Variants in SLC41A2 observed in about 807,000 individuals in gnomAD.
SLC41A2 encodes the protein SLC41A1-like 1.
SLC41A2 carries 32 observed loss-of-function variants against 58.3 expected under a neutral mutation model. The observed-to-expected ratio is 0.55, with a 90% CI of 0.41 to 0.74. SLC41A2 has a LOEUF of 0.74. Among genes scored for constraint, SLC41A2 ranks in the 30% least tolerant of loss-of-function variants. SLC41A2 has a pLI of 0.00. For synonymous variants in SLC41A2, 190 were observed against 235.0 expected (o/e 0.81, Z 1.75); for missense variants, 514 against 680.6 (o/e 0.76, Z 2.72).
chr12:104,853,911 A>ATTATTATTATTATTTT lies in SLC41A2; in HGVS notation c.1255+7379_1255+7380insAAAATAATAATAATAA. ...GGGTGCATGTCACCATGCCTGGCTGATTTTTTTTTTTTTTTTTTTTTTTTT... is the reference window on the plus strand; with the variant it reads ...GGGTGCATGTCACCATGCCTGGCTGATTATTATTATTATTTTTTTTTTTTTTTTTTTTTTTTTTTTT... On this transcript the variant is annotated intron_variant, in intron 8 of 10. Transcript: ENST00000258538. 3.5e-3 allele frequency among the ~76,000 whole-genome samples: 208 copies of ATTATTATTATTATTTT among 59,470 alleles called. 10 individuals carry two copies. Among genetic ancestry groups the ATTATTATTATTATTTT allele is most frequent in the South Asian group, 4.5e-3 (9 of 2,004 alleles). The allele number at this position is 59,470 out of a possible 152,430, so 39.0% of individuals were successfully genotyped here.
intron 10 of SLC41A2, among the ~76,000 whole-genome samples, chr12:104,833,642 C>A (rs950700517): frequency 6.6e-6 from 1 of 152,046 alleles, no homozygotes; most frequent in Admixed American, 6.6e-5. Flanking sequence ...CTAGATAGTA[C>A]AAAAATATAA....
chr12:104,904,589 G>A lies in SLC41A2; in HGVS notation c.663+5066C>T, dbSNP rs531289393. 4.8e-5 allele frequency among the ~76,000 whole-genome samples: 5 copies of A among 103,836 alleles called. 1 individual carries two copies. The highest frequency in any genetic ancestry group is 2.3e-4 in the East Asian group (1 of 4,396). The allele number at this position is 103,836 out of a possible 152,430, so 68.1% of individuals were successfully genotyped here. A position where few individuals can be genotyped will look rare whatever the true frequency, so the allele number is the denominator to read the frequency against. On this transcript the variant is annotated intron_variant, in intron 3 of 10. Coordinates refer to ENST00000258538, the MANE Select transcript of SLC41A2 (RefSeq NM_001352171.3). ...TTCAAGAATGAAGCCGCGGACCCTCGCAGTGAGTGTTACAGCTCTTAAAGT... is the reference window on the plus strand; with the variant it reads ...TTCAAGAATGAAGCCGCGGACCCTCACAGTGAGTGTTACAGCTCTTAAAGT...
chr12:104,856,970 G>T (rs1276005970), intron 8 of SLC41A2, among the ~76,000 whole-genome samples: 1 of 152,010 alleles, frequency 6.6e-6, no homozygotes, highest in Non-Finnish European at 1.5e-5. Context: ...AAATCTAAAA[G>T]ATATATTTTT....
intron 2 of SLC41A2, among the ~76,000 whole-genome samples, chr12:104,918,187 A>C (rs980719200): frequency 9.2e-5 from 14 of 151,988 alleles, no homozygotes; most frequent in African/African-American, 3.1e-4. Flanking sequence ...ACTCTTTTGC[A>C]CTGCTTGTGA....
At chr12:104,839,667 C>G (rs746028369) in intron 10 of SLC41A2, among the ~76,000 whole-genome samples, 10 of 151,948 alleles carry the variant, frequency 6.6e-5, no homozygotes, top group Non-Finnish European at 1.3e-4. Flanking sequence ...CCACGCCCTG[C>G]TAATTTTTTG....
chr12:104,867,422 C>T (rs1302189878), intron 6 of SLC41A2, among the ~76,000 whole-genome samples: 5 of 152,022 alleles, frequency 3.3e-5, no homozygotes, highest in African/African-American at 9.7e-5. Flanking sequence ...GAGTTTGCCT[C>T]GCAGTCCTAT....
intron 1 of SLC41A2, among the ~76,000 whole-genome samples, chr12:104,936,362 A>G (rs971903854): frequency 2.0e-5 from 3 of 152,208 alleles, no homozygotes; most frequent in Admixed American, 6.6e-5. Context: ...GAAGACAGTG[A>G]TAGTGATGAT....
At chr12:104,818,126 T>A (rs1190512010) in intron 10 of SLC41A2, among the ~76,000 whole-genome samples, 2 of 152,098 alleles carry the variant, frequency 1.3e-5, no homozygotes, top group African/African-American at 4.8e-5. Context: ...AATTTAAAAA[T>A]AAAAAGCATC....
rs145010850 is a variant in SLC41A2 at position 104,937,200 on chromosome 12, G to C, written c.-167-8506C>G. Reference sequence around the variant, plus strand: ...AAAGAAAAATATTTTTGTACATTTTGTGTAGCCTAAGTGTGTTTATAAAGT... The same window carrying C: ...AAAGAAAAATATTTTTGTACATTTTCTGTAGCCTAAGTGTGTTTATAAAGT... On this transcript the variant is annotated intron_variant, in intron 1 of 10. Coordinates refer to ENST00000258538, the MANE Select transcript of SLC41A2 (RefSeq NM_001352171.3). Among the ~76,000 whole-genome samples the C allele has an allele frequency of 7.8e-3, 1,189 of 152,276 alleles. 14 individuals are homozygous for C. The highest frequency in any genetic ancestry group is 0.026 in the African/African-American group (1,091 of 41,548).
chr12:104,878,128 C>T (rs1308635141), intron 6 of SLC41A2, among the ~76,000 whole-genome samples: 1 of 151,710 alleles, frequency 6.6e-6, no homozygotes, highest in Non-Finnish European at 1.5e-5. Context: ...AACATTATAA[C>T]AATTGCCATG....
intron 8 of SLC41A2, among the ~76,000 whole-genome samples, chr12:104,849,842 GTAAA>G (rs1038926667): frequency 7.2e-5 from 11 of 152,012 alleles, no homozygotes; most frequent in African/African-American, 1.4e-4. Flanking sequence ...AAGTAAGTAA[GTAAA>G]TAAATAAATA....
intron 10 of SLC41A2, among the ~76,000 whole-genome samples, chr12:104,816,997 G>T (rs961600677): frequency 2.0e-5 from 3 of 152,116 alleles, no homozygotes; most frequent in African/African-American, 4.8e-5. Flanking sequence ...GAAATGCATC[G>T]TTAGGCAATT....
intron 4 of SLC41A2, among the ~76,000 whole-genome samples, chr12:104,892,342 T>C (rs1465197546): frequency 7.1e-6 from 1 of 139,868 alleles, no homozygotes; most frequent in Non-Finnish European, 1.5e-5. Context: ...AAAATATTGA[T>C]GCAAGAAATT....
intron 3 of SLC41A2, among the ~76,000 whole-genome samples, chr12:104,901,743 T>C (rs549488584): frequency 6.6e-6 from 1 of 152,224 alleles, no homozygotes; most frequent in South Asian, 2.1e-4. Flanking sequence ...AGGGATGAGA[T>C]TTCACCACAT....
chr12:104,815,182 A>G (rs1336325347), intron 10 of SLC41A2, among the ~76,000 whole-genome samples: 3 of 152,226 alleles, frequency 2.0e-5, no homozygotes, highest in Admixed American at 2.0e-4. Flanking sequence ...TCTGTGTGTA[A>G]TAAATTATTA....
At chr12:104,958,578 C>T (rs74485657), upstream of SLC41A2, 11,562 of 152,616 alleles carry the variant, frequency 0.076, 495 homozygotes, top group Middle Eastern at 0.11. Context: ...TCTTCCCCAC[C>T]AGCCCACGCA....
rs183140049 is a variant in SLC41A2 at position 104,952,675 on chromosome 12, C to T, written c.-168+5413G>A. Among the ~76,000 whole-genome samples the T allele has an allele frequency of 2.1e-3, 320 of 152,230 alleles. 2 individuals are homozygous for T. The highest frequency in any genetic ancestry group is 7.2e-3 in the African/African-American group (299 of 41,514). On this transcript the variant is annotated intron_variant, in intron 1 of 10. Transcript: ENST00000258538. ...CCAGTAAGTATCTATGAGTGGCACA[C>T]CCTCATTTTCTATTGTATTCCTTTT... is the stretch of plus-strand genomic sequence containing the variant.
intron 6 of SLC41A2, among the ~76,000 whole-genome samples, chr12:104,880,597 T>C (rs2044314300): frequency 6.6e-6 from 1 of 152,240 alleles, no homozygotes; most frequent in Non-Finnish European, 1.5e-5. Flanking sequence ...CCATTGGTTC[T>C]GTTAATATGA....
chr12:104,881,503 T>C (rs948610712), intron 6 of SLC41A2, among the ~76,000 whole-genome samples: 1 of 152,238 alleles, frequency 6.6e-6, no homozygotes, highest in Non-Finnish European at 1.5e-5. Context: ...TCCCAGAGAT[T>C]CTGGTATGTT....
Sources: allele counts gnomAD v4.1 joint callset (sites outside exome capture counted in the v4.1 genomes callset), GRCh38; gene constraint gnomAD v4.1.1; transcripts MANE v1.5; gene names NCBI Gene and HGNC (gene_info 2026-07-23, HGNC 2026-07-21).